TENM3: variants seen among roughly 807,000 people sequenced by gnomAD.
TENM3 encodes the protein teneurin-3.
A neutral mutation model predicts 255.1 loss-of-function variants in TENM3; 63 were observed. The ratio of observed to expected loss-of-function variants is 0.25; its 90% CI spans 0.20 to 0.30. The LOEUF is 0.30. Among genes scored for constraint, TENM3 ranks in the 10% least tolerant of loss-of-function variants. The pLI, the probability that TENM3 is intolerant of heterozygous loss-of-function variation, is 1.00. For missense variants in TENM3, 2,929 were observed against 3,461.1 expected (o/e 0.85, Z 3.86); for synonymous variants, 1,306 against 1,322.3 (o/e 0.99, Z 0.27).
chr4:182,769,419 G>C (rs189561639), intron 22 of TENM3, among the ~76,000 whole-genome samples: 2 of 149,284 alleles, frequency 1.3e-5, no homozygotes, highest in East Asian at 3.9e-4. Flanking sequence ...TTACTCGTCC[G>C]CACTGAAATG....
rs1767193003 is a variant in TENM3, at chr4:182,376,588, T to C, written c.511+29659T>C. On this transcript the variant is annotated intron_variant, in intron 3 of 27. Coordinates refer to ENST00000511685, the MANE Select transcript of TENM3 (RefSeq NM_001080477.4). Reference sequence around the variant, plus strand: ...TGTTGTGAAAATACAGATTTAGACATCAGCTAAGATTTGTTTGGGTAGAAG... The same window carrying C: ...TGTTGTGAAAATACAGATTTAGACACCAGCTAAGATTTGTTTGGGTAGAAG... Among the ~76,000 whole-genome samples, 4 of 152,306 alleles carry C rather than the reference T, an allele frequency of 2.6e-5. No homozygotes were observed. The South Asian group carries it at 8.3e-4, about 32-fold the overall frequency.
intron 3 of TENM3, among the ~76,000 whole-genome samples, chr4:182,382,821 G>T (rs28580480): frequency 0.034 from 5,220 of 152,196 alleles, 278 homozygotes; most frequent in African/African-American, 0.12. Flanking sequence ...TAAAATGGTG[G>T]CAGGTGAGCT....
At chr4:181,806,219 C>A in the TENM3 span, among the ~76,000 whole-genome samples, 16 of 152,160 alleles carry the variant, frequency 1.1e-4, no homozygotes, top group Non-Finnish European at 2.4e-4. Context: ...AATTCCTATA[C>A]CTGCTCATGA....
intron 4 of TENM3, among the ~76,000 whole-genome samples, chr4:182,622,064 A>T (rs1472484615): frequency 6.6e-6 from 1 of 151,752 alleles, no homozygotes; most frequent in Non-Finnish European, 1.5e-5. Flanking sequence ...TTCTTCTAAG[A>T]AAAATAATAA....
intron 1 of TENM3, among the ~76,000 whole-genome samples, chr4:182,146,478 A>G (rs1749977137): frequency 6.6e-6 from 1 of 152,152 alleles, no homozygotes. Flanking sequence ...TCTATTGTGT[A>G]TTTCAGGATT....
chr4:181,604,182 G>C, the TENM3 span, among the ~76,000 whole-genome samples: 2 of 151,970 alleles, frequency 1.3e-5, no homozygotes, highest in South Asian at 2.1e-4. Flanking sequence ...GGAGAATGGC[G>C]TGAACCCGGG....
the TENM3 span, among the ~76,000 whole-genome samples, chr4:181,670,468 T>C: frequency 1.3e-5 from 2 of 151,864 alleles, no homozygotes; most frequent in Admixed American, 1.3e-4. Flanking sequence ...TAAAATTGTT[T>C]TTAACCCAAT....
chr4:181,641,258 C>T, the TENM3 span, among the ~76,000 whole-genome samples: 1 of 151,746 alleles, frequency 6.6e-6, no homozygotes, highest in East Asian at 2.0e-4. Flanking sequence ...CATGGGTATA[C>T]ATGTGCCATG....
At chr4:181,914,069 A>G in the TENM3 span, among the ~76,000 whole-genome samples, 2 of 152,118 alleles carry the variant, frequency 1.3e-5, no homozygotes, top group Admixed American at 6.5e-5. Context: ...TTCTTCAACC[A>G]TCCTTCTTTC....
intron 3 of TENM3, among the ~76,000 whole-genome samples, chr4:182,599,235 TGTTA>T (rs1305899065): frequency 6.6e-6 from 1 of 152,218 alleles, no homozygotes; most frequent in Non-Finnish European, 1.5e-5. Flanking sequence ...AATTTTAAAC[TGTTA>T]GTTTCTCTTT....
At chr4:182,413,548 G>A (rs1291636199) in intron 3 of TENM3, among the ~76,000 whole-genome samples, 4 of 152,026 alleles carry the variant, frequency 2.6e-5, no homozygotes, top group Non-Finnish European at 5.9e-5. Flanking sequence ...CCTGGGAAGC[G>A]GAGGTTGCAG....
chr4:181,911,950 T>C, the TENM3 span, among the ~76,000 whole-genome samples: 2 of 152,232 alleles, frequency 1.3e-5, no homozygotes, highest in African/African-American at 2.4e-5. Context: ...CAAATAATTA[T>C]GGCCTACTAC....
chr4:182,220,551 T>C (rs1755791302), intron 1 of TENM3, among the ~76,000 whole-genome samples: 1 of 88,024 alleles, frequency 1.1e-5, no homozygotes, highest in Admixed American at 1.2e-4. Flanking sequence ...CAGGTCCAAA[T>C]GTGGGGGGCA....
chr4:182,110,055 A>C, the TENM3 span, among the ~76,000 whole-genome samples: 1 of 149,676 alleles, frequency 6.7e-6, no homozygotes, highest in Non-Finnish European at 1.5e-5. Context: ...TGGAGGTTGC[A>C]GTGAGCCGAG....
chr4:182,450,356 T>C (rs1773348382), intron 3 of TENM3, among the ~76,000 whole-genome samples: 1 of 152,200 alleles, frequency 6.6e-6, no homozygotes. Context: ...CAGCCGAATA[T>C]TTTAGTGCAG....
chr4:181,872,197 TC>T, the TENM3 span, among the ~76,000 whole-genome samples: 1 of 151,868 alleles, frequency 6.6e-6, no homozygotes, highest in Non-Finnish European at 1.5e-5. Flanking sequence ...CTTGGAATTA[TC>T]TTGGTGGGGA....
At chr4:182,289,125 G>A (rs879594511) in intron 1 of TENM3, among the ~76,000 whole-genome samples, 6 of 152,230 alleles carry the variant, frequency 3.9e-5, no homozygotes, top group African/African-American at 7.2e-5. Context: ...AGCTACTCTG[G>A]AGGCTGACGT....
intron 1 of TENM3, among the ~76,000 whole-genome samples, chr4:182,177,363 C>T (rs1304036171): frequency 6.6e-6 from 1 of 152,026 alleles, no homozygotes; most frequent in Non-Finnish European, 1.5e-5. Context: ...TGCCCGGCTG[C>T]ATTGGAGTTC....
the TENM3 span, among the ~76,000 whole-genome samples, chr4:181,870,778 G>A: frequency 6.6e-6 from 1 of 151,924 alleles, no homozygotes; most frequent in Non-Finnish European, 1.5e-5. Context: ...TCTTAATGAT[G>A]CCTTATGATA....
Sources: gnomAD v4.1 joint callset for allele counts (sites outside exome capture counted in the v4.1 genomes callset) on GRCh38, gnomAD v4.1.1 for gene constraint, MANE v1.5 for transcripts, NCBI Gene and HGNC (gene_info 2026-07-23, HGNC 2026-07-21) for gene names.